ATP8A2: variants seen among roughly 807,000 people sequenced by gnomAD.
The protein encoded by ATP8A2 is ATPase phospholipid transporting 8A2.
In ATP8A2, 100 loss-of-function variants were observed where a neutral mutation model predicts 165.6. The ratio of observed to expected loss-of-function variants is 0.60; its 90% confidence interval spans 0.51 to 0.71. The LOEUF is 0.71. Among genes scored for constraint, ATP8A2 ranks in the 30% least tolerant of loss-of-function variants. The pLI is 0.00. For missense variants in ATP8A2, 1,227 were observed against 1,479.5 expected, an observed-to-expected ratio of 0.83 and a Z score of 2.80; for synonymous variants, 543 against 548.8, an observed-to-expected ratio of 0.99 and a Z score of 0.15.
In ATP8A2 at chr13:25,385,972, G is replaced by T. The variant is rs145173820; in HGVS notation, c.76+13684G>T. On this transcript the variant is annotated intron_variant, in intron 1 of 36. Coordinates refer to ENST00000381655, the MANE Select transcript of ATP8A2 (RefSeq NM_016529.6). ...CTGTTGCCCAGGCTGGAGTGCAGTG[G>T]TTCGACCTTAGCGGTACACTGCAAC... Among the ~76,000 whole-genome samples, 1,161 of 151,662 alleles carry T rather than the reference G, an allele frequency of 7.7e-3. 16 individuals are homozygous for T. The highest frequency in any genetic ancestry group is 0.027 in the African/African-American group (1,113 of 41,222).
chr13:25,867,183 TC>T (rs1952530635), intron 33 of ATP8A2, among the ~76,000 whole-genome samples: 1 of 151,206 alleles, frequency 6.6e-6, no homozygotes, highest in South Asian at 2.1e-4. Flanking sequence ...ATGGGTTTAC[TC>T]TTGAGTTTTA....
Position 25,432,296 on chromosome 13 carries a change from G to A in ATP8A2, c.77-36681G>A, listed in dbSNP as rs779271035. 2.6e-5 allele frequency among the ~76,000 whole-genome samples: 4 copies of A among 152,174 alleles called. No individual in the cohort carries two copies. In the South Asian group the frequency reaches 6.2e-4, roughly 24 times the overall value. On this transcript the variant is annotated intron_variant, in intron 1 of 36. Transcript: ENST00000381655. ...GGGAGTTTGCCAGTTTACCTCGGAG[G>A]TCCTTGTGTGTCCACGTGTTTGGGT...
intron 33 of ATP8A2, among the ~76,000 whole-genome samples, chr13:25,898,420 G>T (rs564581852): frequency 6.6e-6 from 1 of 152,310 alleles, no homozygotes; most frequent in East Asian, 1.9e-4. Flanking sequence ...GCCGTGTGAG[G>T]TGTCAGTCCG....
At chr13:25,450,326 G>T (rs546493886) in intron 1 of ATP8A2, among the ~76,000 whole-genome samples, 31 of 151,714 alleles carry the variant, frequency 2.0e-4, no homozygotes, top group African/African-American at 7.0e-4. Context: ...AAATTCCTTT[G>T]GGTATATACC....
At chr13:25,841,037 A>G (rs1593432533) in intron 30 of ATP8A2, among the ~76,000 whole-genome samples, 1 of 152,314 alleles carries the variant, frequency 6.6e-6, no homozygotes, top group Non-Finnish European at 1.5e-5. Context: ...TCATTTACTT[A>G]CCTGCTTCAA....
intron 33 of ATP8A2, among the ~76,000 whole-genome samples, chr13:25,876,534 C>T (rs1952824186): frequency 1.3e-5 from 2 of 152,100 alleles, no homozygotes; most frequent in Admixed American, 1.3e-4. Flanking sequence ...AATTTCACCG[C>T]AGGAAATTAC....
At chr13:25,418,259 A>G (rs1769836147) in intron 1 of ATP8A2, among the ~76,000 whole-genome samples, 1 of 152,072 alleles carries the variant, frequency 6.6e-6, no homozygotes, top group African/African-American at 2.4e-5. Context: ...TAACATTTGC[A>G]TGGAACTAGG....
At chr13:25,451,385 T>C (rs2035221248) in intron 1 of ATP8A2, among the ~76,000 whole-genome samples, 1 of 152,148 alleles carries the variant, frequency 6.6e-6, no homozygotes, top group African/African-American at 2.4e-5. Context: ...AGCACTCATT[T>C]TGTTTGTTTC....
chr13:25,418,715 G>A (rs574876658), intron 1 of ATP8A2, among the ~76,000 whole-genome samples: 3 of 152,212 alleles, frequency 2.0e-5, no homozygotes, highest in East Asian at 1.9e-4. Context: ...ATTTTGTATC[G>A]CCTTCCGAGA....
chr13:25,797,775 A>G (rs1950527259), intron 27 of ATP8A2, among the ~76,000 whole-genome samples: 1 of 152,118 alleles, frequency 6.6e-6, no homozygotes, highest in Non-Finnish European at 1.5e-5. Flanking sequence ...CAAGTTTATT[A>G]CTCATAATGG....
intron 2 of ATP8A2, among the ~76,000 whole-genome samples, chr13:25,526,536 C>G (rs1280278407): frequency 6.6e-6 from 1 of 152,100 alleles, no homozygotes; most frequent in Non-Finnish European, 1.5e-5. Context: ...TAGATGGTGC[C>G]TTAAGCCCAG....
At chr13:25,609,523 T>C (rs1256521381) in intron 24 of ATP8A2, among the ~76,000 whole-genome samples, 2 of 148,260 alleles carry the variant, frequency 1.3e-5, no homozygotes, top group African/African-American at 2.5e-5. Context: ...ATTCCAAATA[T>C]ATATATATTT....
intron 33 of ATP8A2, among the ~76,000 whole-genome samples, chr13:25,874,040 T>A (rs1194088494): frequency 1.3e-5 from 2 of 152,206 alleles, no homozygotes; most frequent in African/African-American, 4.8e-5. Context: ...TCATGACTAG[T>A]TCTTAGCATC....
At chr13:25,498,374 A>C (rs2036745510) in intron 2 of ATP8A2, among the ~76,000 whole-genome samples, 1 of 152,208 alleles carries the variant, frequency 6.6e-6, no homozygotes, top group African/African-American at 2.4e-5. Flanking sequence ...CTGCCTTATA[A>C]AGGGACTCGA....
intron 1 of ATP8A2, among the ~76,000 whole-genome samples, chr13:25,430,232 T>A (rs1748589): frequency 0.015 from 2,252 of 151,678 alleles, 59 homozygotes; most frequent in African/African-American, 0.052. Flanking sequence ...CTGTGACCTC[T>A]GGCGAATGTG....
chr13:25,883,138 C>A (rs1404755473), intron 33 of ATP8A2, among the ~76,000 whole-genome samples: 1 of 152,154 alleles, frequency 6.6e-6, no homozygotes, highest in Non-Finnish European at 1.5e-5. Flanking sequence ...CAGGCTGTCT[C>A]CAGGGCTTCT....
chr13:25,688,323 C>T (rs2042648014), intron 24 of ATP8A2, among the ~76,000 whole-genome samples: 1 of 152,130 alleles, frequency 6.6e-6, no homozygotes, highest in South Asian at 2.1e-4. Flanking sequence ...AGAGCCCCAA[C>T]CTGCCCCAAA....
In ATP8A2 at chr13:26,021,273, C is replaced by T. The variant is rs537569058; in HGVS notation, c.*1288C>T. 1 of 152,438 alleles carries T rather than the reference C, an allele frequency of 6.6e-6. No individual in the cohort carries two copies. The highest frequency in any genetic ancestry group is 1.9e-4 in the East Asian group (1 of 5,186). The allele number at this position is 152,438 out of a possible 1,614,324, so 9.4% of individuals were successfully genotyped here. On this transcript the variant is annotated 3_prime_UTR_variant, in exon 37 of 37. Coordinates refer to ENST00000381655, the MANE Select transcript of ATP8A2 (RefSeq NM_016529.6). Reference sequence around the variant, plus strand: ...CGCCACCAGATCTTTGCAGTAGAAACTCTGAAATAGGCCTTGAGACCCAGA... The same window carrying T: ...CGCCACCAGATCTTTGCAGTAGAAATTCTGAAATAGGCCTTGAGACCCAGA...
chr13:25,464,188 C>G (rs564888739), intron 1 of ATP8A2, among the ~76,000 whole-genome samples: 30 of 152,302 alleles, frequency 2.0e-4, no homozygotes, highest in African/African-American at 6.5e-4. Flanking sequence ...GCTAGATTAT[C>G]TAAAATCCTG....
Sources: gnomAD v4.1 joint callset for allele counts (sites outside exome capture counted in the v4.1 genomes callset) on GRCh38, gnomAD v4.1.1 for gene constraint, MANE v1.5 for transcripts, NCBI Gene and HGNC (gene_info 2026-07-23, HGNC 2026-07-21) for gene names.